Variants in B4GALT1 observed in about 807,000 individuals in gnomAD.
B4GALT1 encodes beta-1,4-galactosyltransferase 1, also known as N-acetyllactosamine synthase.
Under a neutral mutation model 34.9 loss-of-function variants are expected in B4GALT1, and 16 were observed. The ratio of observed to expected loss-of-function variants is 0.46; its 90% CI spans 0.31 to 0.70. The LOEUF (loss-of-function observed/expected upper bound fraction) is 0.70, where lower values mean the gene tolerates loss of function less well. Ranked by LOEUF, B4GALT1 falls within the 30% of genes least tolerant of loss-of-function variation. The pLI, the probability that B4GALT1 is intolerant of heterozygous loss-of-function variation, is 0.05. For synonymous variants in B4GALT1, 221 were observed against 218.1 expected (o/e 1.01, Z -0.12); for missense variants, 445 against 530.5 (o/e 0.84, Z 1.58).
At chr9:33,147,712 G>A (rs532608093) in intron 1 of B4GALT1, among the ~76,000 whole-genome samples, 87 of 152,300 alleles carry the variant, frequency 5.7e-4, no homozygotes, top group African/African-American at 1.9e-3. Context: ...GTGAGAGACT[G>A]CACAAAACAA....
intron 4 of B4GALT1, among the ~76,000 whole-genome samples, chr9:33,115,569 A>G (rs760116864): frequency 7.9e-5 from 12 of 152,230 alleles, no homozygotes; most frequent in Non-Finnish European, 1.5e-4. Context: ...TCTCTTTTGT[A>G]TATGTGAAAA....
At chr9:33,115,505 C>A (rs990526304) in intron 4 of B4GALT1, among the ~76,000 whole-genome samples, 2 of 152,168 alleles carry the variant, frequency 1.3e-5, no homozygotes, top group East Asian at 3.8e-4. Context: ...ACTGACCAGG[C>A]CATAATGGTT....
the B4GALT1 span, chr9:33,178,805 G>C: frequency 7.2e-5 from 11 of 152,212 alleles, no homozygotes. Flanking sequence ...ATAACTAATT[G>C]CTAATTAGTT....
At chr9:33,174,819 T>C in the B4GALT1 span, among the ~76,000 whole-genome samples, 1 of 148,244 alleles carries the variant, frequency 6.7e-6, no homozygotes, top group South Asian at 2.2e-4. Flanking sequence ...TAGCTGGGCA[T>C]GGTGGTGTGC....
intron 2 of B4GALT1, among the ~76,000 whole-genome samples, chr9:33,132,215 T>C (rs1308386815): frequency 6.9e-6 from 1 of 143,902 alleles, no homozygotes; most frequent in Non-Finnish European, 1.5e-5. Context: ...GATGCTAAGT[T>C]GTGAAGTGGG....
At chr9:33,132,642 AG>A (rs1840210682) in intron 2 of B4GALT1, among the ~76,000 whole-genome samples, 1 of 152,224 alleles carries the variant, frequency 6.6e-6, no homozygotes, top group South Asian at 2.1e-4. Context: ...TAGCTGGCAG[AG>A]GACATTCAGA....
At chr9:33,136,319 A>T (rs958457779) in intron 1 of B4GALT1, among the ~76,000 whole-genome samples, 2 of 151,976 alleles carry the variant, frequency 1.3e-5, no homozygotes, top group Non-Finnish European at 2.9e-5. Flanking sequence ...GGCAGGTGGG[A>T]AGAGGGATGA....
rs190111845 is a variant in B4GALT1 at position 33,127,228 on chromosome 9, A to C, written c.649-6622T>G. The stretch of plus-strand genomic sequence containing the variant: ...TCCGCCCACCTCGGCCTCCCAAAGT[A>C]CTGGGATTACAGGTGTGAGCCACCA... On this transcript the variant is annotated intron_variant, in intron 2 of 5. Transcript: ENST00000379731. 8.1e-3 allele frequency among the ~76,000 whole-genome samples: 1,232 copies of C among 152,158 alleles called. 11 individuals carry two copies. The highest frequency in any genetic ancestry group is 0.028 in the African/African-American group (1,176 of 41,496).
At chr9:33,123,290 A>C (rs1346258136) in intron 2 of B4GALT1, among the ~76,000 whole-genome samples, 2 of 140,340 alleles carry the variant, frequency 1.4e-5, no homozygotes, top group Non-Finnish European at 3.3e-5. Flanking sequence ...AAAAAAAAAA[A>C]AAAAAAAAAA....
At chr9:33,174,958 TAAAAAAAAAA>T in the B4GALT1 span, among the ~76,000 whole-genome samples, 135 of 13,320 alleles carry the variant, frequency 0.01, 3 homozygotes, top group South Asian at 0.018. Flanking sequence ...GACTCTGTCT[TAAAAAAAAAA>T]AAAAAAAAAA....
At chr9:33,110,383 G>T (rs1488667068), downstream of B4GALT1, among the ~76,000 whole-genome samples, 1 of 152,218 alleles carries the variant, frequency 6.6e-6, no homozygotes, top group East Asian at 1.9e-4. Context: ...CTTTGAAATG[G>T]CACTAGCTAC....
chr9:33,184,342 T>TG, the B4GALT1 span, among the ~76,000 whole-genome samples: 3 of 151,358 alleles, frequency 2.0e-5, no homozygotes, highest in Non-Finnish European at 4.4e-5. Context: ...CAGCATCCAC[T>TG]GGGGGTCTGA....
At chr9:33,158,015 T>C (rs1048128441) in intron 1 of B4GALT1, among the ~76,000 whole-genome samples, 1 of 152,200 alleles carries the variant, frequency 6.6e-6, no homozygotes, top group African/African-American at 2.4e-5. Context: ...GCTAAAATTT[T>C]TATGTCTGCT....
the B4GALT1 span, among the ~76,000 whole-genome samples, chr9:33,175,365 G>A: frequency 6.6e-6 from 1 of 151,978 alleles, no homozygotes; most frequent in African/African-American, 2.4e-5. Flanking sequence ...AGTGAAACTT[G>A]GATGGGGACT....
intron 1 of B4GALT1, 77 bp from the exon 2 acceptor site, chr9:33,135,501 G>GGCTGCA (rs1453253978): frequency 7.8e-6 from 11 of 1,405,276 alleles, no homozygotes; most frequent in Admixed American, 1.9e-5. Context: ...CAGATGGCCA[G>GGCTGCA]GCTGCAGCTG....
intron 1 of B4GALT1, among the ~76,000 whole-genome samples, chr9:33,149,829 T>C (rs1238220397): frequency 1.3e-5 from 2 of 152,148 alleles, no homozygotes; most frequent in African/African-American, 4.8e-5. Flanking sequence ...TTCTACAAAA[T>C]AACTGGCCTG....
chr9:33,144,206 C>G (rs997489766), intron 1 of B4GALT1, among the ~76,000 whole-genome samples: 1 of 149,930 alleles, frequency 6.7e-6, no homozygotes, highest in Non-Finnish European at 1.5e-5. Context: ...TTTCACTCTT[C>G]CTCTTAATTT....
At chr9:33,165,235 T>C (rs183170734) in intron 1 of B4GALT1, among the ~76,000 whole-genome samples, 1 of 151,212 alleles carries the variant, frequency 6.6e-6, no homozygotes, top group African/African-American at 2.4e-5. Context: ...CCCAAAGTGC[T>C]AGGATTACAG....
intron 4 of B4GALT1, among the ~76,000 whole-genome samples, chr9:33,115,044 G>C (rs933655460): frequency 1.3e-5 from 2 of 152,082 alleles, no homozygotes; most frequent in African/African-American, 4.8e-5. Context: ...CTATGTCCAG[G>C]TTTTCAGTGT....
Sources: gnomAD v4.1 joint callset for allele counts (sites outside exome capture counted in the v4.1 genomes callset) on GRCh38, gnomAD v4.1.1 for gene constraint, MANE v1.5 for transcripts, NCBI Gene and HGNC (gene_info 2026-07-23, HGNC 2026-07-21) for gene names.